Variants in TXNL1 observed in about 807,000 individuals in gnomAD.
TXNL1 encodes the protein thioredoxin-like protein 1.
TXNL1 carries 14 observed loss-of-function variants against 35.5 expected under a neutral mutation model. The observed-to-expected ratio is 0.39, with a 90% confidence interval of 0.26 to 0.62. The LOEUF is 0.62. Ranked by LOEUF, TXNL1 falls within the 20% of genes least tolerant of loss-of-function variation. The probability of loss-of-function intolerance (pLI) is 0.47; values close to 1 mark genes in which losing one functional copy is unlikely to be tolerated. For synonymous variants in TXNL1, 110 were observed against 115.5 expected, an observed-to-expected ratio of 0.95 and a Z score of 0.31; for missense variants, 263 against 349.7, an observed-to-expected ratio of 0.75 and a Z score of 1.98.
In TXNL1 at chr18:56,602,621, T is replaced by C. The variant is rs181231273; in HGVS notation, c.*406A>G. On this transcript the variant is annotated 3_prime_UTR_variant, in exon 8 of 8. Transcript: ENST00000217515. ...GCAGTAATAATTTAACATGGTTAGCTGTTCCAGGTTCACTTATCAAAATAA... is the reference window on the plus strand; with the variant it reads ...GCAGTAATAATTTAACATGGTTAGCCGTTCCAGGTTCACTTATCAAAATAA... The C allele has an allele frequency of 1.9e-4, 34 of 179,546 alleles. No individual in the cohort carries two copies. The East Asian group carries it at 5.0e-3, about 26-fold the overall frequency. 11.1% of individuals were successfully genotyped at this position (179,546 alleles called of 1,614,324 possible).
In TXNL1 at chr18:56,638,363, C is replaced by G; in HGVS notation, c.78G>C (p.Val26=). 1 of 1,613,426 alleles carries G rather than the reference C, an allele frequency of 6.2e-7. No homozygotes were observed. The highest frequency in any genetic ancestry group is 1.1e-5 in the South Asian group (1 of 90,944). The change falls in exon 1 of 8, where the codon GTG becomes GTC. Residue 26 remains valine, a synonymous_variant. Coordinates refer to ENST00000217515, the MANE Select transcript of TXNL1 (RefSeq NM_004786.3). The stretch of plus-strand genomic sequence containing the variant: ...CTCACCCTCTCATGGTGAACTTGAC[C>G]ACGGCGAGTCTGGAGCCCGCGCCGC... ...ELSGAGSRLA[V]VKFTMRGCGP...
intron 7 of TXNL1, among the ~76,000 whole-genome samples, chr18:56,607,838 A>C (rs936877665): frequency 6.6e-6 from 1 of 152,188 alleles, no homozygotes; most frequent in African/African-American, 2.4e-5. Flanking sequence ...CCTGGGTGAC[A>C]AGAGTGAAAC....
At chr18:56,634,556 A>G (rs1201762621) in intron 1 of TXNL1, among the ~76,000 whole-genome samples, 28 of 152,224 alleles carry the variant, frequency 1.8e-4, no homozygotes, top group Admixed American at 1.8e-3. Flanking sequence ...CTGATCATTC[A>G]ATGAGGAAAA....
Position 56,601,625 on chromosome 18 carries a change from C to T in TXNL1, c.*1402G>A, listed in dbSNP as rs1437940723. On this transcript the variant is annotated 3_prime_UTR_variant, in exon 8 of 8. Transcript: ENST00000217515. ...ATGACACTTGGGTTTCAGAAAGGGA[C>T]TCTTTCAACACTAAAACTTCTGTAG... The T allele has an allele frequency of 6.6e-6, 1 of 152,136 alleles. No homozygotes were observed. Among genetic ancestry groups the T allele is most frequent in the African/African-American group, 2.4e-5 (1 of 41,426 alleles). 9.4% of individuals were successfully genotyped at this position (152,136 alleles called of 1,614,324 possible).
intron 1 of TXNL1, among the ~76,000 whole-genome samples, chr18:56,631,087 C>T (rs1056547123): frequency 6.6e-6 from 1 of 151,970 alleles, no homozygotes; most frequent in African/African-American, 2.4e-5. Context: ...CCTATGTTGC[C>T]CAGGCTGGTC....
At chr18:56,634,335 C>T (rs1163118955) in intron 1 of TXNL1, among the ~76,000 whole-genome samples, 1 of 152,156 alleles carries the variant, frequency 6.6e-6, no homozygotes, top group African/African-American at 2.4e-5. Flanking sequence ...CTTTATAATT[C>T]AAACGATGCA....
At chr18:56,606,694 CAAAG>C (rs1251008025) in intron 7 of TXNL1, among the ~76,000 whole-genome samples, 1 of 152,228 alleles carries the variant, frequency 6.6e-6, no homozygotes, top group African/African-American at 2.4e-5. Flanking sequence ...ACTCTGTGGA[CAAAG>C]AAACCCTTGA....
intron 7 of TXNL1, among the ~76,000 whole-genome samples, chr18:56,604,087 T>C (rs528327747): frequency 6.6e-6 from 1 of 152,200 alleles, no homozygotes; most frequent in South Asian, 2.1e-4. Context: ...GAAATGTTTT[T>C]CCCACCCTAA....
chr18:56,610,035 G>C (rs2023965007), intron 7 of TXNL1: 2 of 152,184 alleles, frequency 1.3e-5, no homozygotes, highest in African/African-American at 4.8e-5. Context: ...ATCTGTAGAT[G>C]CACCAAAAAG....
intron 1 of TXNL1, among the ~76,000 whole-genome samples, chr18:56,630,077 T>C (rs747476931): frequency 1.3e-5 from 2 of 151,918 alleles, no homozygotes; most frequent in Non-Finnish European, 2.9e-5. Context: ...CGGATGCCTA[T>C]AGTCCCAGCT....
At chr18:56,626,494 AG>A in intron 1 of TXNL1, 37 bp from the exon 2 acceptor site, 1 of 1,532,920 alleles carries the variant, frequency 6.5e-7, no homozygotes, top group Non-Finnish European at 8.9e-7. Flanking sequence ...ATAACACTAA[AG>A]ATTGTAATTC....
At chr18:56,619,550 A>G (rs977097942) in intron 3 of TXNL1, among the ~76,000 whole-genome samples, 7 of 151,860 alleles carry the variant, frequency 4.6e-5, no homozygotes, top group African/African-American at 1.5e-4. Context: ...AAAAAAAAAA[A>G]AAAAAAAAAA....
intron 7 of TXNL1, among the ~76,000 whole-genome samples, chr18:56,607,805 G>C (rs2023924843): frequency 6.6e-6 from 1 of 152,144 alleles, no homozygotes; most frequent in African/African-American, 2.4e-5. Flanking sequence ...GCAGTGAGCT[G>C]AGATCGCACC....
Position 56,600,821 on chromosome 18 carries a change from G to C in TXNL1, c.*2206C>G, listed in dbSNP as rs1007540288. 1 of 152,192 alleles carries C rather than the reference G, an allele frequency of 6.6e-6. No individual in the cohort carries two copies. The highest frequency in any genetic ancestry group is 1.5e-5 in the Non-Finnish European group (1 of 68,046). The allele number at this position is 152,192 out of a possible 1,614,324, so 9.4% of individuals were successfully genotyped here. On this transcript the variant is annotated 3_prime_UTR_variant, in exon 8 of 8. Transcript: ENST00000217515. ...AATGTGGTACCTTGTGCTACTCTTGGCTTCAGCATTAAGCTGACAAAGACT... is the reference window on the plus strand; with the variant it reads ...AATGTGGTACCTTGTGCTACTCTTGCCTTCAGCATTAAGCTGACAAAGACT...
intron 1 of TXNL1, among the ~76,000 whole-genome samples, chr18:56,629,589 T>C (rs990105102): frequency 6.6e-6 from 1 of 152,190 alleles, no homozygotes; most frequent in African/African-American, 2.4e-5. Flanking sequence ...TATATATAAA[T>C]GCATAGGGGG....
chr18:56,630,273 T>C (rs2024350501), intron 1 of TXNL1, among the ~76,000 whole-genome samples: 1 of 151,060 alleles, frequency 6.6e-6, no homozygotes, highest in South Asian at 2.1e-4. Context: ...GGCTCAGAGC[T>C]GGAAGCGACC....
chr18:56,622,874 T>C (rs1025794877), intron 3 of TXNL1, among the ~76,000 whole-genome samples: 2 of 152,362 alleles, frequency 1.3e-5, no homozygotes, highest in Non-Finnish European at 2.9e-5. Context: ...TACTTCCTAA[T>C]TGGACATTAC....
At chr18:56,607,790 A>G (rs1234042791) in intron 7 of TXNL1, among the ~76,000 whole-genome samples, 2 of 152,188 alleles carry the variant, frequency 1.3e-5, no homozygotes, top group Non-Finnish European at 1.5e-5. Context: ...CGGGAGGCAG[A>G]GGTTGCAGTG....
intron 6 of TXNL1, among the ~76,000 whole-genome samples, chr18:56,613,073 C>T (rs530640234): frequency 2.6e-5 from 4 of 152,092 alleles, no homozygotes; most frequent in Middle Eastern, 3.4e-3. Context: ...ATCATGGGCT[C>T]GAGCAATCTG....
Sources: allele counts gnomAD v4.1 joint callset (sites outside exome capture counted in the v4.1 genomes callset), GRCh38; gene constraint gnomAD v4.1.1; transcripts MANE v1.5; gene names NCBI Gene and HGNC (gene_info 2026-07-23, HGNC 2026-07-21).